SLC37A1: variants seen among roughly 807,000 people sequenced by gnomAD.
The protein encoded by SLC37A1 is glucose-6-phosphate exchanger SLC37A1.
In SLC37A1, 49 loss-of-function variants were observed where a neutral mutation model predicts 75.3. The observed-to-expected ratio is 0.65, with a 90% confidence interval of 0.52 to 0.83. The LOEUF (loss-of-function observed/expected upper bound fraction) is 0.83, where lower values mean the gene tolerates loss of function less well. Ranked by LOEUF, SLC37A1 falls within the 40% of genes least tolerant of loss-of-function variation. The pLI is 0.00. For missense variants in SLC37A1, 566 were observed against 695.0 expected (o/e 0.81, Z 2.09); for synonymous variants, 268 against 292.1 (o/e 0.92, Z 0.84).
chr21:42,542,600 G>A, intron 7 of SLC37A1, 120 bp downstream of exon 7: 1 of 950,566 alleles, frequency 1.1e-6, no homozygotes, highest in Non-Finnish European at 1.6e-6. Flanking sequence ...TAAGATGGCT[G>A]AAACCTCTGG....
At chr21:42,534,851 T>C (rs759204457) in intron 4 of SLC37A1, 21 bp downstream of exon 4, 4 of 1,607,994 alleles carry the variant, frequency 2.5e-6, no homozygotes, top group Non-Finnish European at 3.4e-6. Flanking sequence ...TATCGGTCCG[T>C]CCAGGAGCCG....
intron 5 of SLC37A1, among the ~76,000 whole-genome samples, chr21:42,539,146 T>C (rs2055211937): frequency 6.6e-6 from 1 of 152,192 alleles, no homozygotes; most frequent in Admixed American, 6.5e-5. Context: ...CAACTGGAAT[T>C]TTAAGACACT....
chr21:42,526,458 TAGA>T (rs2146763564), intron 3 of SLC37A1, among the ~76,000 whole-genome samples: 1 of 152,348 alleles, frequency 6.6e-6, no homozygotes, highest in East Asian at 1.9e-4. Flanking sequence ...GTCTCTATCG[TAGA>T]AGAACGAGGA....
At chr21:42,567,653 AT>A (rs570035941) in intron 16 of SLC37A1, among the ~76,000 whole-genome samples, 5 of 152,260 alleles carry the variant, frequency 3.3e-5, no homozygotes, top group African/African-American at 1.2e-4. Flanking sequence ...TGTGTTCTTT[AT>A]TTTATATACA....
chr21:42,500,426 C>A (rs1273382419), intron 1 of SLC37A1, among the ~76,000 whole-genome samples: 1 of 152,150 alleles, frequency 6.6e-6, no homozygotes, highest in Non-Finnish European at 1.5e-5. Flanking sequence ...GTCTACTCAT[C>A]TGTAAAATGG....
At chr21:42,570,268 A>G (rs9980183) in intron 17 of SLC37A1, among the ~76,000 whole-genome samples, 4,395 of 15,476 alleles carry the variant, frequency 0.28, 755 homozygotes, top group African/African-American at 0.5. Context: ...GAGAAGCGGC[A>G]GGCAGGGTGG....
chr21:42,521,220 G>T (rs562497808), intron 2 of SLC37A1, among the ~76,000 whole-genome samples: 1 of 152,198 alleles, frequency 6.6e-6, no homozygotes, highest in Non-Finnish European at 1.5e-5. Context: ...GAACTATGAG[G>T]CAGACAGCAC....
intron 3 of SLC37A1, among the ~76,000 whole-genome samples, chr21:42,533,322 A>G (rs1021743442): frequency 2.6e-5 from 4 of 152,182 alleles, no homozygotes; most frequent in African/African-American, 9.7e-5. Context: ...ACTTGCCGCC[A>G]TCACTCACGC....
At chr21:42,570,618 C>A (rs1354800516) in intron 17 of SLC37A1, among the ~76,000 whole-genome samples, 1 of 152,220 alleles carries the variant, frequency 6.6e-6, no homozygotes, top group Non-Finnish European at 1.5e-5. Context: ...TCTGACTCTG[C>A]TGTGAAACCC....
intron 11 of SLC37A1, among the ~76,000 whole-genome samples, chr21:42,560,953 G>A (rs1455809693): frequency 2.0e-5 from 3 of 152,200 alleles, no homozygotes; most frequent in Non-Finnish European, 4.4e-5. Flanking sequence ...TCAGGCAAGT[G>A]TGGCACACTC....
chr21:42,560,336 T>C, intron 11 of SLC37A1: 1 of 152,442 alleles, frequency 6.6e-6, no homozygotes, highest in Non-Finnish European at 1.5e-5. Flanking sequence ...GGGTGGGCTG[T>C]CCAGGGGGCG....
At chr21:42,519,423 C>A (rs558239777) in intron 2 of SLC37A1, among the ~76,000 whole-genome samples, 1 of 152,274 alleles carries the variant, frequency 6.6e-6, no homozygotes, top group African/African-American at 2.4e-5. Flanking sequence ...GTGGAGGCTT[C>A]TCATCTCCAG....
At chr21:42,560,572 C>A (rs1601748786) in intron 11 of SLC37A1, 1 of 152,378 alleles carries the variant, frequency 6.6e-6, no homozygotes, top group East Asian at 1.9e-4. Context: ...CTGGGGAGAA[C>A]CTTGGCTTCA....
intron 8 of SLC37A1, among the ~76,000 whole-genome samples, chr21:42,546,681 G>T (rs1344658832): frequency 6.6e-6 from 1 of 152,228 alleles, no homozygotes; most frequent in African/African-American, 2.4e-5. Flanking sequence ...ACAGGCCGGG[G>T]CGTGTGCGGG....
chr21:42,565,018 G>A (rs899897463), intron 14 of SLC37A1, among the ~76,000 whole-genome samples: 1 of 152,386 alleles, frequency 6.6e-6, no homozygotes, highest in South Asian at 2.1e-4. Context: ...CATGGGCCGC[G>A]CGCAAGCTGC....
chr21:42,553,988 TGCTACAGTAAA>T, intron 9 of SLC37A1, 63 bp from the exon 10 acceptor site: 1 of 1,270,668 alleles, frequency 7.9e-7, no homozygotes, highest in Non-Finnish European at 1.1e-6. Context: ...TAAGTATCCT[TGCTACAGTAAA>T]GCCAGGTTTA....
At chr21:42,537,158 T>C (rs954008841) in intron 5 of SLC37A1, among the ~76,000 whole-genome samples, 1 of 152,032 alleles carries the variant, frequency 6.6e-6, no homozygotes, top group Non-Finnish European at 1.5e-5. Context: ...TGGAGGAGAG[T>C]GCATAGCTCT....
intron 1 of SLC37A1, among the ~76,000 whole-genome samples, chr21:42,501,764 T>C (rs1301740786): frequency 6.6e-6 from 1 of 152,188 alleles, no homozygotes; most frequent in African/African-American, 2.4e-5. Context: ...TCTGGCTACA[T>C]GTTAATCCTT....
chr21:42,525,358 G>A (rs768846256), intron 2 of SLC37A1, among the ~76,000 whole-genome samples: 24 of 152,230 alleles, frequency 1.6e-4, no homozygotes, highest in Admixed American at 1.1e-3. Flanking sequence ...CATGTGAAGC[G>A]GGGCAGCCTC....
Sources: gnomAD v4.1 joint callset for allele counts (sites outside exome capture counted in the v4.1 genomes callset) on GRCh38, gnomAD v4.1.1 for gene constraint, MANE v1.5 for transcripts, NCBI Gene and HGNC (gene_info 2026-07-23, HGNC 2026-07-21) for gene names.